Variants in QRICH2 observed in about 807,000 individuals in gnomAD.
QRICH2 encodes glutamine rich 2.
In QRICH2, 119 loss-of-function variants were observed where a neutral mutation model predicts 168.3. The ratio of observed to expected loss-of-function variants is 0.71; its 90% CI spans 0.61 to 0.82. QRICH2 has a LOEUF of 0.82. Among genes scored for constraint, QRICH2 ranks in the 40% least tolerant of loss-of-function variants. The pLI is 0.00. For synonymous variants in QRICH2, 894 were observed against 951.2 expected (o/e 0.94, Z 1.11); for missense variants, 2,241 against 2,491.6 (o/e 0.90, Z 2.14).
At chr17:76,290,609 A>G in intron 4 of QRICH2, among the ~76,000 whole-genome samples, 1 of 151,964 alleles carries the variant, frequency 6.6e-6, no homozygotes, top group East Asian at 1.9e-4. Flanking sequence ...CTGGTCTCGA[A>G]CTCGGCCTCA....
At chr17:76,310,677 C>T (rs1019557210), upstream of QRICH2, 2 of 151,960 alleles carry the variant, frequency 1.3e-5, no homozygotes, top group African/African-American at 4.8e-5. Flanking sequence ...CCATGTTTCC[C>T]AGGCTGGTCT....
intron 3 of QRICH2, among the ~76,000 whole-genome samples, chr17:76,300,883 C>T (rs1472796003): frequency 1.3e-5 from 2 of 152,142 alleles, no homozygotes; most frequent in African/African-American, 4.8e-5. Context: ...GAAACCCCAT[C>T]TTTACTAAAA....
chr17:76,295,779 T>A (rs2070784650), intron 3 of QRICH2, among the ~76,000 whole-genome samples: 1 of 152,224 alleles, frequency 6.6e-6, no homozygotes, highest in African/African-American at 2.4e-5. Context: ...AGCATCTTGA[T>A]AAAATAGATC....
chr17:76,290,573 G>A (rs1037016859), intron 4 of QRICH2, among the ~76,000 whole-genome samples: 2 of 151,858 alleles, frequency 1.3e-5, no homozygotes, highest in Non-Finnish European at 2.9e-5. Context: ...TTTTGGTAGA[G>A]ATAGAGTTTT....
At chr17:76,303,494 A>G (rs1328407038) in intron 3 of QRICH2, among the ~76,000 whole-genome samples, 123 of 151,924 alleles carry the variant, frequency 8.1e-4, no homozygotes, top group Non-Finnish European at 1.2e-3. Context: ...TTTTAATCAG[A>G]TGAAAGTAGG....
chr17:76,301,981 C>T (rs1464635315), intron 3 of QRICH2, among the ~76,000 whole-genome samples: 1 of 151,738 alleles, frequency 6.6e-6, no homozygotes, highest in Non-Finnish European at 1.5e-5. Context: ...CTCACTGCAA[C>T]TTCGTTTCCC....
chr17:76,308,308 T>G, upstream of QRICH2: 17 of 985,300 alleles, frequency 1.7e-5, no homozygotes, highest in Non-Finnish European at 1.9e-5. Flanking sequence ...GCCCTGAAGA[T>G]TCCACGTAAC....
rs138229886 is a variant in QRICH2 at position 76,293,771 on chromosome 17, C to T, written c.956G>A (p.Arg319His). The T allele has an allele frequency of 1.5e-5, 24 of 1,614,076 alleles. No individual in the cohort carries two copies. Among genetic ancestry groups the T allele is most frequent in the Middle Eastern group, 1.6e-4 (1 of 6,062 alleles). ...GAGTCGTGGCACGCCAGCTTCATCACGGGCCCTCGGCTGCTGCTGTCTCCC... is the reference window on the plus strand; with the variant it reads ...GAGTCGTGGCACGCCAGCTTCATCATGGGCCCTCGGCTGCTGCTGTCTCCC... Reference protein sequence around the residue: ...GTGRQQQPRARDEAGVPRLHQ... With the variant: ...GTGRQQQPRAHDEAGVPRLHQ... Residue 319 changes from arginine (R) to histidine (H), a missense_variant, in exon 4 of 19, where the codon CGT becomes CAT. Physicochemically the swap from Arg to His is conservative, Grantham distance 29. This residue lies in a region of QRICH2 where 2,047 missense variants were observed against 2,303.8 expected (regional missense o/e 0.89). Coordinates refer to ENST00000680821, the MANE Select transcript of QRICH2 (RefSeq NM_001388453.1).
At chr17:76,283,486 G>A (rs887004397) in intron 7 of QRICH2, among the ~76,000 whole-genome samples, 12 of 152,206 alleles carry the variant, frequency 7.9e-5, no homozygotes, top group Non-Finnish European at 1.3e-4. Context: ...ACTCTTAAAC[G>A]CTCCCAGCTG....
intron 17 of QRICH2, among the ~76,000 whole-genome samples, chr17:76,276,261 T>G (rs2070677454): frequency 6.6e-6 from 1 of 151,752 alleles, no homozygotes; most frequent in South Asian, 2.1e-4. Flanking sequence ...CACAGCTAAA[T>G]GCATGATGGG....
At position 76,292,068 on chromosome 17, in the gene QRICH2, C is replaced by T. The variant is rs759476033; in HGVS notation, c.2659G>A (p.Asp887Asn). Residue 887 changes from aspartate (D) to asparagine (N), a missense_variant, in exon 4 of 19, where the codon GAC (aspartate) becomes AAC (asparagine). Coordinates refer to ENST00000680821, the MANE Select transcript of QRICH2 (RefSeq NM_001388453.1). Reference sequence around the variant, plus strand: ...CCAGGTTGGATCAAACCACGCTGGTCCATTCCAGGTTGGACCAAACCACGC... The same window carrying T: ...CCAGGTTGGATCAAACCACGCTGGTTCATTCCAGGTTGGACCAAACCACGC... ...DQRGLVQPGM[D>N]QRGLIQPGAD... is the part of the protein sequence containing the mutation. The T allele has an allele frequency of 1.2e-6, 2 of 1,613,852 alleles. 1 individual carries two copies. Among genetic ancestry groups the T allele is most frequent in the Non-Finnish European group, 1.7e-6 (2 of 1,179,966 alleles).
intron 5 of QRICH2, among the ~76,000 whole-genome samples, chr17:76,288,383 TAAAAAAAAAAAAA>T (rs770162922): frequency 3.1e-4 from 12 of 39,248 alleles, no homozygotes; most frequent in Non-Finnish European, 2.2e-4. Context: ...GAATCAGTCT[TAAAAAAAAAAAAA>T]AAAAAAAAAA....
chr17:76,305,019 GCACACA>G, intron 1 of QRICH2, 78 bp from the exon 2 acceptor site: 2 of 923,762 alleles, frequency 2.2e-6, no homozygotes, highest in Non-Finnish European at 3.6e-6. Context: ...ACACAGATGC[GCACACA>G]CACTCTCACA....
In QRICH2 at chr17:76,308,249, C is replaced by T; in HGVS notation, c.-251G>A. On this transcript the variant is annotated 5_prime_UTR_variant, in exon 1 of 19. Coordinates refer to ENST00000680821, the MANE Select transcript of QRICH2 (RefSeq NM_001388453.1). ...CGGGTCCCCGAGCTGGAGCCCTGGA[C>T]TCCCAGTCCCCGCGCCGGCGGACGT... 1 of 985,470 alleles carries T rather than the reference C, an allele frequency of 1.0e-6. No individual in the cohort carries two copies. Among genetic ancestry groups the T allele is most frequent in the Non-Finnish European group, 1.2e-6 (1 of 829,928 alleles). The allele number at this position is 985,470 out of a possible 1,614,324, so 61.0% of individuals were successfully genotyped here. A position where few individuals can be genotyped will look rare whatever the true frequency, so the allele number is the denominator to read the frequency against.
intron 18 of QRICH2, among the ~76,000 whole-genome samples, chr17:76,275,214 C>T (rs1199865519): frequency 3.3e-5 from 5 of 152,106 alleles, no homozygotes; most frequent in Non-Finnish European, 5.9e-5. Flanking sequence ...TGACTCCAAG[C>T]AGCACTAACC....
chr17:76,304,317 T>C (rs542055373), intron 3 of QRICH2, 98 bp downstream of exon 3: 3 of 722,062 alleles, frequency 4.2e-6, no homozygotes, highest in South Asian at 3.3e-5. Context: ...ACTTGCGAAC[T>C]ATGAATATCC....
Position 76,292,947 on chromosome 17 carries a change from CAG to C in QRICH2, c.1778_1779del (p.Pro593ArgfsTer42). ...CGGACCAAACCACGCTGATCTGCAC[CAG>C]GTTGGACCAAGCCAGGCTGATATGC... is the stretch of plus-strand genomic sequence containing the variant. ...RGAYQPGLVQ[P>X]GADQRGLVRP... On this transcript the variant is annotated frameshift_variant, in exon 4 of 19. Coordinates refer to ENST00000680821, the MANE Select transcript of QRICH2 (RefSeq NM_001388453.1). LOFTEE classifies it high-confidence loss of function. 1 of 1,614,012 alleles carries C rather than the reference CAG, an allele frequency of 6.2e-7. No individual in the cohort carries two copies. Among genetic ancestry groups the C allele is most frequent in the Non-Finnish European group, 8.5e-7 (1 of 1,180,020 alleles).
Position 76,280,016 on chromosome 17 carries a change from T to C in QRICH2, c.4748+17A>G. The C allele has an allele frequency of 6.3e-7, 1 of 1,590,436 alleles. No homozygotes were observed. On this transcript the variant is annotated intron_variant, in intron 12 of 18. Transcript: ENST00000680821. The surrounding 1 kb of genome is among the most constrained non-coding windows in gnomAD (Gnocchi z 7.4). The stretch of plus-strand genomic sequence containing the variant: ...TGAAGAGCGTGCCAGCCTCCTCCCC[T>C]GCCTCCCAGGCCTCACCTCCGCATG...
At chr17:76,308,694 T>A (rs769750176), upstream of QRICH2, among the ~76,000 whole-genome samples, 2 of 152,108 alleles carry the variant, frequency 1.3e-5, no homozygotes, top group Non-Finnish European at 2.9e-5. Context: ...CAGTTCCAAT[T>A]AGCCACTAGA....
Sources: gnomAD v4.1 joint callset for allele counts (sites outside exome capture counted in the v4.1 genomes callset) on GRCh38, gnomAD v4.1.1 for gene constraint, gnomAD v4.1.1 regional missense constraint, Gnocchi (gnomAD v3.1) non-coding constraint, MANE v1.5 for transcripts, NCBI Gene and HGNC (gene_info 2026-07-23, HGNC 2026-07-21) for gene names.